ROBO2: variants seen among roughly 807,000 people sequenced by gnomAD.
The protein encoded by ROBO2 is roundabout homolog 2.
In ROBO2, 53 loss-of-function variants were observed where a neutral mutation model predicts 160.8. That is an observed-to-expected ratio of 0.33 (90% CI 0.26 to 0.41). ROBO2 has a LOEUF of 0.41. Among genes scored for constraint, ROBO2 ranks in the 10% least tolerant of loss-of-function variants. ROBO2 has a pLI of 1.00. For synonymous variants in ROBO2, 664 were observed against 611.7 expected (o/e 1.09, Z -1.26); for missense variants, 1,577 against 1,722.4 (o/e 0.92, Z 1.49).
chr3:76,487,622 C>T (rs950968941), intron 2 of ROBO2, among the ~76,000 whole-genome samples: 5 of 152,092 alleles, frequency 3.3e-5, no homozygotes, highest in Non-Finnish European at 7.4e-5. Context: ...GGCAGAAGTT[C>T]GAGCCTAGTT....
chr3:76,892,478 C>A (rs62261848), intron 2 of ROBO2, among the ~76,000 whole-genome samples: 18,446 of 152,074 alleles, frequency 0.12, 1,483 homozygotes, highest in Admixed American at 0.23. Flanking sequence ...TGCCCAGATG[C>A]CAATAACAAT....
intron 2 of ROBO2, among the ~76,000 whole-genome samples, chr3:77,110,019 A>T (rs1656664514): frequency 6.6e-6 from 1 of 152,236 alleles, no homozygotes; most frequent in African/African-American, 2.4e-5. Flanking sequence ...AACAACAGAA[A>T]GAGTAATCTT....
intron 2 of ROBO2, among the ~76,000 whole-genome samples, chr3:77,374,519 A>G (rs1433803770): frequency 1.3e-5 from 2 of 152,204 alleles, no homozygotes; most frequent in African/African-American, 4.8e-5. Flanking sequence ...ATTGTGTTAA[A>G]TAGAAAATAT....
intron 2 of ROBO2, among the ~76,000 whole-genome samples, chr3:76,951,700 T>C (rs2078966961): frequency 6.6e-6 from 1 of 152,190 alleles, no homozygotes; most frequent in African/African-American, 2.4e-5. Flanking sequence ...CCTTAATCAA[T>C]TGTTTTCTTG....
chr3:77,293,074 A>G (rs2061513249), intron 2 of ROBO2, among the ~76,000 whole-genome samples: 1 of 151,026 alleles, frequency 6.6e-6, no homozygotes, highest in African/African-American at 2.4e-5. Context: ...CTAGAGCACT[A>G]AAGACATAAA....
chr3:77,299,816 G>A (rs2062487699), intron 2 of ROBO2, among the ~76,000 whole-genome samples: 2 of 152,192 alleles, frequency 1.3e-5, no homozygotes, highest in South Asian at 4.2e-4. Flanking sequence ...AACAGAGAGG[G>A]ACGATAGAGT....
At chr3:76,144,932 A>AT (rs2071827689) in intron 2 of ROBO2, among the ~76,000 whole-genome samples, 1 of 151,948 alleles carries the variant, frequency 6.6e-6, no homozygotes, top group Non-Finnish European at 1.5e-5. Flanking sequence ...ATTTTAGTGC[A>AT]TTTTGACTTG....
chr3:76,181,618 T>C (rs968188016), intron 2 of ROBO2, among the ~76,000 whole-genome samples: 2 of 152,184 alleles, frequency 1.3e-5, no homozygotes, highest in African/African-American at 4.8e-5. Context: ...TCAATGACTT[T>C]ACTTTCAAAT....
chr3:75,909,475 A>G (rs1217493215), intron 1 of ROBO2, among the ~76,000 whole-genome samples: 2 of 152,218 alleles, frequency 1.3e-5, no homozygotes, highest in African/African-American at 4.8e-5. Context: ...GGAACTAAGT[A>G]TGTTATACAC....
At chr3:76,748,088 T>G (rs2093922474) in intron 2 of ROBO2, among the ~76,000 whole-genome samples, 1 of 151,952 alleles carries the variant, frequency 6.6e-6, no homozygotes, top group African/African-American at 2.4e-5. Context: ...AAAAACATCT[T>G]GATTCTCCTA....
At chr3:77,283,971 T>C (rs565044869) in intron 2 of ROBO2, among the ~76,000 whole-genome samples, 2 of 152,298 alleles carry the variant, frequency 1.3e-5, no homozygotes, top group Admixed American at 6.5e-5. Context: ...TTTACAGAAG[T>C]TTCTATAGCT....
At chr3:76,310,115 T>C (rs192467919) in intron 2 of ROBO2, among the ~76,000 whole-genome samples, 1 of 152,126 alleles carries the variant, frequency 6.6e-6, no homozygotes, top group African/African-American at 2.4e-5. Context: ...AGCCACCACG[T>C]CAGACAATCC....
rs541016492 is a variant in ROBO2, at chr3:77,359,148, C to A, written c.389-118266C>A. On this transcript the variant is annotated intron_variant, in intron 2 of 25. Coordinates refer to ENST00000461745, the Ensembl canonical transcript of ROBO2. The stretch of plus-strand genomic sequence containing the variant: ...AATCAAATGTTCTTTGACAAAGATG[C>A]AAAAGAAACAAGAAAACAACTGGAT... Among the ~76,000 whole-genome samples the A allele has an allele frequency of 2.4e-4, 37 of 152,262 alleles. 1 individual carries two copies. The South Asian group carries it at 5.6e-3, about 23-fold the overall frequency.
chr3:77,096,746 G>C (rs147205203), intron 1 of ROBO2, among the ~76,000 whole-genome samples: 1 of 152,000 alleles, frequency 6.6e-6, no homozygotes, highest in Non-Finnish European at 1.5e-5. Flanking sequence ...CACCGTGCCC[G>C]GCCTCTCTTT....
intron 2 of ROBO2, among the ~76,000 whole-genome samples, chr3:76,671,535 C>A (rs2092262703): frequency 6.6e-6 from 1 of 152,146 alleles, no homozygotes; most frequent in Non-Finnish European, 1.5e-5. Flanking sequence ...TATGAAAATT[C>A]CAGTCATTTA....
At chr3:76,796,919 C>A (rs571908555) in intron 2 of ROBO2, among the ~76,000 whole-genome samples, 60 of 152,122 alleles carry the variant, frequency 3.9e-4, no homozygotes, top group African/African-American at 1.4e-3. Context: ...TATATATGCA[C>A]CCAACATTGG....
chr3:76,522,356 A>C (rs114888621), intron 2 of ROBO2, among the ~76,000 whole-genome samples: 1 of 151,574 alleles, frequency 6.6e-6, no homozygotes, highest in Admixed American at 6.6e-5. Context: ...TTATTTCCCA[A>C]CTCCAACTGT....
intron 20 of ROBO2, among the ~76,000 whole-genome samples, chr3:77,606,217 G>A (rs2094523340): frequency 9.5e-6 from 1 of 104,800 alleles, no homozygotes; most frequent in African/African-American, 3.1e-5. Flanking sequence ...GAGGATATGG[G>A]GGAAAAAAAA....
Position 77,595,130 on chromosome 3 carries a change from C to A in ROBO2, c.2684-12C>A, listed in dbSNP as rs1467371516. The A allele has an allele frequency of 6.2e-7, 1 of 1,606,450 alleles. No individual in the cohort carries two copies. Among genetic ancestry groups the A allele is most frequent in the East Asian group, 2.2e-5 (1 of 44,748 alleles). ...TGTGTGTGCATGTCTTCCTTTTTTT[C>A]TTTTTTCATAGTTACGTTTCAAAGA... On this transcript the variant is annotated splice_polypyrimidine_tract_variant and intron_variant, in intron 17 of 25. Transcript: ENST00000461745.
Sources: allele counts gnomAD v4.1 joint callset (sites outside exome capture counted in the v4.1 genomes callset), GRCh38; gene constraint gnomAD v4.1.1; transcripts MANE v1.5; gene names NCBI Gene and HGNC (gene_info 2026-07-23, HGNC 2026-07-21).